Variants in PAWR observed in about 807,000 individuals in gnomAD.
The protein encoded by PAWR is pro-apoptotic WT1 regulator.
A neutral mutation model predicts 32.0 loss-of-function variants in PAWR; 23 were observed. The observed-to-expected ratio is 0.72, with a 90% confidence interval of 0.52 to 1.02. The LOEUF (loss-of-function observed/expected upper bound fraction) is 1.02, where lower values mean the gene tolerates loss of function less well. Among genes scored for constraint, PAWR ranks in the 50% least tolerant of loss-of-function variants. PAWR has a pLI of 0.00. For synonymous variants in PAWR, 226 were observed against 187.1 expected, an observed-to-expected ratio of 1.21 and a Z score of -1.70; for missense variants, 457 against 437.7, an observed-to-expected ratio of 1.04 and a Z score of -0.39.
intron 2 of PAWR, among the ~76,000 whole-genome samples, chr12:79,636,299 T>G (rs896902963): frequency 2.5e-4 from 38 of 151,898 alleles, no homozygotes; most frequent in African/African-American, 8.7e-4. Flanking sequence ...AAGCAATCAA[T>G]ATACCATTTG....
At chr12:79,669,856 ATACTGGGCTAATTTTTG>A (rs1399250532) in intron 2 of PAWR, among the ~76,000 whole-genome samples, 1 of 151,894 alleles carries the variant, frequency 6.6e-6, no homozygotes, top group Non-Finnish European at 1.5e-5. Flanking sequence ...GTGCACCACT[ATACTGGGCTAATTTTTG>A]TATTTTCAGT....
At chr12:79,627,877 C>A (rs1022520983) in intron 2 of PAWR, among the ~76,000 whole-genome samples, 1 of 152,214 alleles carries the variant, frequency 6.6e-6, no homozygotes, top group African/African-American at 2.4e-5. Context: ...TAACACCCCA[C>A]TGTCAACATT....
At chr12:79,617,628 T>C (rs138164935) in intron 3 of PAWR, among the ~76,000 whole-genome samples, 56 of 152,288 alleles carry the variant, frequency 3.7e-4, no homozygotes, top group African/African-American at 1.3e-3. Flanking sequence ...AATTGACAAA[T>C]AATGATTAGA....
chr12:79,629,667 A>G (rs976365351), intron 2 of PAWR, among the ~76,000 whole-genome samples: 1 of 152,064 alleles, frequency 6.6e-6, no homozygotes, highest in Non-Finnish European at 1.5e-5. Context: ...AAAATAAACT[A>G]TATGTTTGTT....
rs1027340494 is a variant in PAWR at position 79,671,473 on chromosome 12, A to C, written c.516+18256T>G. Among the ~76,000 whole-genome samples, 31 of 152,320 alleles carry C rather than the reference A, an allele frequency of 2.0e-4. 1 individual carries two copies. The highest frequency in any genetic ancestry group is 6.8e-3 in the Middle Eastern group (2 of 294). On this transcript the variant is annotated intron_variant, in intron 2 of 6. Coordinates refer to ENST00000328827, the MANE Select transcript of PAWR (RefSeq NM_002583.4). ...TGGCTATAGGTTTTTGTAGATATTCATCAAACTGAGGCCATTCCCATCTAT... is the reference window on the plus strand; with the variant it reads ...TGGCTATAGGTTTTTGTAGATATTCCTCAAACTGAGGCCATTCCCATCTAT...
intron 4 of PAWR, among the ~76,000 whole-genome samples, chr12:79,609,089 G>A (rs954908481): frequency 1.3e-5 from 2 of 152,026 alleles, no homozygotes; most frequent in Non-Finnish European, 2.9e-5. Flanking sequence ...AAAGGAGGGG[G>A]GCAATTATAC....
intron 4 of PAWR, among the ~76,000 whole-genome samples, chr12:79,611,865 A>G (rs924164398): frequency 3.3e-5 from 5 of 152,156 alleles, no homozygotes; most frequent in African/African-American, 1.2e-4. Context: ...GATTTAACAC[A>G]ATGACATGTA....
chr12:79,614,970 A>G (rs1874657639), intron 3 of PAWR, among the ~76,000 whole-genome samples: 1 of 152,206 alleles, frequency 6.6e-6, no homozygotes, highest in Admixed American at 6.5e-5. Flanking sequence ...AACAGTGCCT[A>G]TTTTATTGGG....
chr12:79,609,790 G>A lies in PAWR; in HGVS notation c.683+3785C>T, dbSNP rs74931022. On this transcript the variant is annotated intron_variant, in intron 4 of 6. Transcript: ENST00000328827. ...CTAAAGGCTGTCATACTGACCCTCT[G>A]CTCTCACTAGCAGAGAGCAACTGCC... 4.4e-3 allele frequency among the ~76,000 whole-genome samples: 676 copies of A among 152,240 alleles called. 7 individuals are homozygous for A. Among genetic ancestry groups the A allele is most frequent in the African/African-American group, 0.015 (610 of 41,554 alleles).
chr12:79,661,403 C>A (rs113706107), intron 2 of PAWR, among the ~76,000 whole-genome samples: 1,680 of 152,104 alleles, frequency 0.011, 41 homozygotes, highest in African/African-American at 0.038. Context: ...AAGAAAAAAT[C>A]TCTGGAGATA....
chr12:79,601,576 G>C (rs564301961), intron 4 of PAWR, among the ~76,000 whole-genome samples: 2 of 151,946 alleles, frequency 1.3e-5, no homozygotes, highest in South Asian at 4.1e-4. Flanking sequence ...TACCCATGTT[G>C]GTATCTATGT....
rs1419652761 is a variant in PAWR, at chr12:79,586,625, C to G, written c.*5982G>C. 1 of 152,104 alleles carries G rather than the reference C, an allele frequency of 6.6e-6. No individual in the cohort carries two copies. The highest frequency in any genetic ancestry group is 2.4e-5 in the African/African-American group (1 of 41,382). 9.4% of individuals were successfully genotyped at this position (152,104 alleles called of 1,614,324 possible). A position where few individuals can be genotyped will look rare whatever the true frequency, so the allele number is the denominator to read the frequency against. On this transcript the variant is annotated 3_prime_UTR_variant, in exon 7 of 7. Transcript: ENST00000328827. The stretch of plus-strand genomic sequence containing the variant: ...CACATATTAACATGAATAACATACA[C>G]AGCAGTCAAAACTTACTGTTTTTCA...
rs1397530236 is a variant in PAWR, at chr12:79,592,055, A to C, written c.*552T>G. Reference sequence around the variant, plus strand: ...TTTAGTCAACTAAAACATGACAGTGACTTTATAAGAGCTTTCCTTTTAAAA... The same window carrying C: ...TTTAGTCAACTAAAACATGACAGTGCCTTTATAAGAGCTTTCCTTTTAAAA... On this transcript the variant is annotated 3_prime_UTR_variant, in exon 7 of 7. Transcript: ENST00000328827. 1 of 152,598 alleles carries C rather than the reference A, an allele frequency of 6.6e-6. No individual in the cohort carries two copies. The highest frequency in any genetic ancestry group is 1.5e-5 in the Non-Finnish European group (1 of 67,998). The allele number at this position is 152,598 out of a possible 1,614,324, so 9.5% of individuals were successfully genotyped here.
At chr12:79,651,562 A>G (rs1420707860) in intron 2 of PAWR, among the ~76,000 whole-genome samples, 1 of 152,120 alleles carries the variant, frequency 6.6e-6, no homozygotes, top group Non-Finnish European at 1.5e-5. Context: ...TCTGGGCCAC[A>G]AAAGACTCAA....
intron 2 of PAWR, among the ~76,000 whole-genome samples, chr12:79,654,229 C>T (rs1221242212): frequency 6.6e-6 from 1 of 152,174 alleles, no homozygotes; most frequent in African/African-American, 2.4e-5. Flanking sequence ...AAGTACAATA[C>T]TATTCAAAGC....
At chr12:79,687,462 A>T (rs1878738610) in intron 2 of PAWR, among the ~76,000 whole-genome samples, 1 of 152,234 alleles carries the variant, frequency 6.6e-6, no homozygotes, top group African/African-American at 2.4e-5. Flanking sequence ...ACTACATGTT[A>T]ATCTACTAAT....
intron 3 of PAWR, among the ~76,000 whole-genome samples, chr12:79,615,791 T>G (rs1469734868): frequency 6.6e-6 from 1 of 152,168 alleles, no homozygotes; most frequent in Non-Finnish European, 1.5e-5. Flanking sequence ...GTGCAGTGGC[T>G]CATACCTGTA....
At chr12:79,646,197 G>C (rs1876565982) in intron 2 of PAWR, among the ~76,000 whole-genome samples, 1 of 152,136 alleles carries the variant, frequency 6.6e-6, no homozygotes, top group South Asian at 2.1e-4. Context: ...GGGAAAGCTG[G>C]AGAAATGATG....
In PAWR at chr12:79,592,524, G is replaced by A; in HGVS notation, c.*83C>T. ...TGCTTAGTTATTTTAATGTATTGCA[G>A]CATAGGAATATTGTGCTAGCATTGA... is the stretch of plus-strand genomic sequence containing the variant. On this transcript the variant is annotated 3_prime_UTR_variant, in exon 7 of 7. Coordinates refer to ENST00000328827, the MANE Select transcript of PAWR (RefSeq NM_002583.4). The A allele has an allele frequency of 1.5e-6, 1 of 653,118 alleles. No individual in the cohort carries two copies. The highest frequency in any genetic ancestry group is 2.9e-5 in the East Asian group (1 of 34,944). 40.5% of individuals were successfully genotyped at this position (653,118 alleles called of 1,614,324 possible). A position where few individuals can be genotyped will look rare whatever the true frequency, so the allele number is the denominator to read the frequency against.
Sources: allele counts gnomAD v4.1 joint callset (sites outside exome capture counted in the v4.1 genomes callset), GRCh38; gene constraint gnomAD v4.1.1; transcripts MANE v1.5; gene names NCBI Gene and HGNC (gene_info 2026-07-23, HGNC 2026-07-21).